USP10: variants seen among roughly 807,000 people sequenced by gnomAD.
USP10 encodes the protein ubiquitin specific peptidase 10.
A neutral mutation model predicts 84.5 loss-of-function variants in USP10; 22 were observed. That is an observed-to-expected ratio of 0.26 (90% confidence interval 0.19 to 0.37). The LOEUF is 0.37. USP10 is among the 10% of genes least tolerant of loss of function. The pLI is 1.00. For synonymous variants in USP10, 454 were observed against 387.6 expected (o/e 1.17, Z -2.01); for missense variants, 1,019 against 998.9 (o/e 1.02, Z -0.27).
chr16:84,763,555 C>G (rs1015325613), intron 9 of USP10, among the ~76,000 whole-genome samples: 2 of 152,242 alleles, frequency 1.3e-5, no homozygotes, highest in Non-Finnish European at 2.9e-5. Context: ...AGTCCCTTAT[C>G]TAACTGAGAA....
chr16:84,708,902 G>C (rs767684504), intron 1 of USP10: 6 of 152,244 alleles, frequency 3.9e-5, no homozygotes, highest in Non-Finnish European at 8.8e-5. Context: ...GGAGTATAGA[G>C]CTGAAGAGAG....
intron 6 of USP10, 82 bp downstream of exon 6, chr16:84,759,554 C>A: frequency 7.8e-7 from 1 of 1,288,816 alleles, no homozygotes; most frequent in Non-Finnish European, 1.1e-6. Flanking sequence ...TAGTAAAGCT[C>A]TTGATTTCCT....
intron 11 of USP10, among the ~76,000 whole-genome samples, chr16:84,769,017 A>G (rs774294): frequency 0.65 from 99,307 of 152,042 alleles, 32,710 homozygotes; most frequent in Non-Finnish European, 0.7. Context: ...GCCAGCTTAT[A>G]GCTATTTTGT....
At chr16:84,743,117 G>A (rs979621789) in intron 3 of USP10, among the ~76,000 whole-genome samples, 1 of 152,186 alleles carries the variant, frequency 6.6e-6, no homozygotes, top group African/African-American at 2.4e-5. Flanking sequence ...AAAATGAACA[G>A]CCAGCCCCTA....
At chr16:84,728,891 C>G (rs1328240330) in intron 1 of USP10, among the ~76,000 whole-genome samples, 3 of 152,086 alleles carry the variant, frequency 2.0e-5, no homozygotes, top group Non-Finnish European at 2.9e-5. Context: ...CTCCGCCTTC[C>G]AGGTTCACGT....
chr16:84,709,406 G>T (rs1163647465), intron 1 of USP10: 1 of 152,256 alleles, frequency 6.6e-6, no homozygotes, highest in South Asian at 2.1e-4. Context: ...TGGAGGGGAG[G>T]GACAGACGCA....
chr16:84,772,661 C>T lies in USP10; in HGVS notation c.2119C>T (p.Pro707Ser), dbSNP rs1914578514. 1 of 1,613,764 alleles carries T rather than the reference C, an allele frequency of 6.2e-7. No individual in the cohort carries two copies. Among genetic ancestry groups the T allele is most frequent in the African/African-American group, 1.3e-5 (1 of 74,864 alleles). Reference sequence around the variant, plus strand: ...GAAGCTTATCAAAAATATTGAATATCCTGTGGACTTGGAAATTAGTAAAGG... The same window carrying T: ...GAAGCTTATCAAAAATATTGAATATTCTGTGGACTTGGAAATTAGTAAAGG... ...CQKLIKNIEYPVDLEISKELL... is the reference protein window; with the variant it reads ...CQKLIKNIEYSVDLEISKELL... Residue 707 changes from proline (P) to serine (S), a missense_variant, in exon 12 of 14, where the codon CCT becomes TCT. Coordinates refer to ENST00000219473, the MANE Select transcript of USP10 (RefSeq NM_005153.3).
intron 1 of USP10, among the ~76,000 whole-genome samples, chr16:84,728,665 C>G (rs1026461031): frequency 6.6e-6 from 1 of 151,534 alleles, no homozygotes; most frequent in African/African-American, 2.4e-5. Flanking sequence ...AATTTATGTC[C>G]GTCCACTCAC....
intron 1 of USP10, among the ~76,000 whole-genome samples, chr16:84,714,989 C>T (rs543968962): frequency 3.9e-4 from 56 of 144,686 alleles, no homozygotes; most frequent in African/African-American, 1.4e-3. Context: ...GAGTGCAGTT[C>T]GCAGTCTCGG....
At position 84,772,545 on chromosome 16, in the gene USP10, A is replaced by G. The variant is rs1914567221; in HGVS notation, c.2003A>G (p.Glu668Gly). 2 of 1,613,710 alleles carry G rather than the reference A, an allele frequency of 1.2e-6. No homozygotes were observed. Among genetic ancestry groups the G allele is most frequent in the East Asian group, 4.5e-5 (2 of 44,880 alleles). The stretch of plus-strand genomic sequence containing the variant: ...CTGGTGTGCTTTGTGTCTTAGGTTG[A>G]GATAAGTCGAAGAGTGACTCTGGAA... The part of the protein sequence containing the change: ...GYTTKTKQEV[E>G]ISRRVTLEKL... The change falls in exon 12 of 14, where the codon GAG (glutamate) becomes GGG (glycine). Residue 668 changes from glutamate (E) to glycine (G), a missense_variant. By Grantham distance (98) the Glu-to-Gly change is moderately conservative (BLOSUM62 -2). Transcript: ENST00000219473.
intron 1 of USP10, 90 bp from the exon 2 acceptor site, chr16:84,733,345 G>C (rs1191261771): frequency 2.0e-6 from 2 of 1,019,346 alleles, no homozygotes; most frequent in Non-Finnish European, 3.0e-6. Flanking sequence ...CCCAAATGTT[G>C]CATAGGATTG....
chr16:84,747,252 G>A (rs960386483), intron 4 of USP10, among the ~76,000 whole-genome samples: 2 of 152,172 alleles, frequency 1.3e-5, no homozygotes, highest in Non-Finnish European at 2.9e-5. Flanking sequence ...TAGGCTTTCT[G>A]TAATACTTTC....
At chr16:84,732,923 A>G (rs1909429293) in intron 1 of USP10, 1 of 371,564 alleles carries the variant, frequency 2.7e-6, no homozygotes, top group Non-Finnish European at 5.2e-6. Flanking sequence ...TGTGTATCCT[A>G]TGGAAATGCA....
chr16:84,732,703 C>T (rs1909399822), intron 1 of USP10: 2 of 299,700 alleles, frequency 6.7e-6, no homozygotes, highest in South Asian at 2.6e-5. Context: ...CCATGTCAGC[C>T]TCCCAGAGTG....
At chr16:84,704,855 G>A in intron 1 of USP10, 1 of 1,535,708 alleles carries the variant, frequency 6.5e-7, no homozygotes, top group Non-Finnish European at 8.7e-7. Flanking sequence ...TCCTGGAATA[G>A]GGCAGGTAAG....
intron 1 of USP10, among the ~76,000 whole-genome samples, chr16:84,705,644 CTT>C (rs1905388771): frequency 6.9e-6 from 1 of 144,276 alleles, no homozygotes; most frequent in Non-Finnish European, 1.5e-5. Flanking sequence ...TCCCATTTGT[CTT>C]TGTTTTATGA....
intron 1 of USP10, among the ~76,000 whole-genome samples, chr16:84,700,639 T>G (rs1284350823): frequency 9.2e-5 from 14 of 152,062 alleles, no homozygotes; most frequent in Non-Finnish European, 5.9e-5. Context: ...TTTCTGTTTT[T>G]TAGATAGAAG....
chr16:84,762,416 TGTG>T (rs1439321939), intron 8 of USP10, among the ~76,000 whole-genome samples: 1 of 152,178 alleles, frequency 6.6e-6, no homozygotes, highest in African/African-American at 2.4e-5. Flanking sequence ...TGTGGCCAGG[TGTG>T]GTGGCTCATG....
chr16:84,736,582 C>A (rs899679906), intron 2 of USP10, among the ~76,000 whole-genome samples: 6 of 152,202 alleles, frequency 3.9e-5, no homozygotes, highest in Admixed American at 3.3e-4. Flanking sequence ...AAACCTCAGT[C>A]GTAATCCTGT....
Sources: allele counts gnomAD v4.1 joint callset (sites outside exome capture counted in the v4.1 genomes callset), GRCh38; gene constraint gnomAD v4.1.1; transcripts MANE v1.5; gene names NCBI Gene and HGNC (gene_info 2026-07-23, HGNC 2026-07-21).